The following IMMP1L variants were observed in gnomAD, a reference collection of about 807,000 sequenced individuals.
IMMP1L encodes mitochondrial inner membrane protease subunit 1.
Under a neutral mutation model 21.8 loss-of-function variants are expected in IMMP1L, and 24 were observed. The ratio of observed to expected loss-of-function variants is 1.10; its 90% CI spans 0.80 to 1.55. IMMP1L has a LOEUF of 1.55. Ranked by LOEUF, IMMP1L falls within the 40% of genes most tolerant of loss-of-function variation. The pLI is 0.00. For missense variants in IMMP1L, 195 were observed against 200.7 expected, an observed-to-expected ratio of 0.97 and a Z score of 0.17; for synonymous variants, 46 against 62.8, an observed-to-expected ratio of 0.73 and a Z score of 1.26.
chr11:31,485,884 A>G (rs1339310993), intron 1 of IMMP1L, among the ~76,000 whole-genome samples: 1 of 151,868 alleles, frequency 6.6e-6, no homozygotes, highest in Non-Finnish European at 1.5e-5. Flanking sequence ...GCCATTATAA[A>G]AAAACTTAAA....
chr11:31,461,264 A>G (rs188475973), intron 2 of IMMP1L, among the ~76,000 whole-genome samples: 174 of 152,264 alleles, frequency 1.1e-3, no homozygotes, highest in African/African-American at 3.9e-3. Context: ...TAAATGTTCT[A>G]CTGAAAAATA....
intron 1 of IMMP1L, 81 bp from the exon 2 acceptor site, chr11:31,463,386 A>G: frequency 7.8e-7 from 1 of 1,281,474 alleles, no homozygotes; most frequent in Non-Finnish European, 1.0e-6. Flanking sequence ...ATATTTTACA[A>G]TCACCCAAAA....
At position 31,433,583 on chromosome 11, in the gene IMMP1L, A is replaced by T; in HGVS notation, c.322-13T>A. The stretch of plus-strand genomic sequence containing the variant: ...GACCCATTGGCACCTAGAATTAGAG[A>T]AGAAATGCAGCCTCTTAAAGATAAA... On this transcript the variant is annotated splice_polypyrimidine_tract_variant and intron_variant, in intron 4 of 5. Transcript: ENST00000532287. 2 of 1,514,468 alleles carry T rather than the reference A, an allele frequency of 1.3e-6. No individual in the cohort carries two copies. The highest frequency in any genetic ancestry group is 1.8e-6 in the Non-Finnish European group (2 of 1,095,388). The allele number at this position is 1,514,468 out of a possible 1,614,324, so 93.8% of individuals were successfully genotyped here.
chr11:31,480,246 T>C (rs982308458), intron 1 of IMMP1L, among the ~76,000 whole-genome samples: 2 of 152,020 alleles, frequency 1.3e-5, no homozygotes, highest in African/African-American at 2.4e-5. Flanking sequence ...CTACAGAGAT[T>C]TGAGACATTT....
chr11:31,436,787 C>G (rs1049115499), intron 4 of IMMP1L, among the ~76,000 whole-genome samples: 2 of 152,110 alleles, frequency 1.3e-5, no homozygotes, highest in Non-Finnish European at 2.9e-5. Flanking sequence ...AAAAAAACAT[C>G]TAGAACATAT....
At chr11:31,472,807 C>T (rs1954606052) in intron 1 of IMMP1L, among the ~76,000 whole-genome samples, 1 of 152,156 alleles carries the variant, frequency 6.6e-6, no homozygotes, top group African/African-American at 2.4e-5. Context: ...CATATATTAA[C>T]TCATTTAATC....
At chr11:31,451,234 A>G (rs912220572) in intron 4 of IMMP1L, among the ~76,000 whole-genome samples, 1 of 152,160 alleles carries the variant, frequency 6.6e-6, no homozygotes, top group Admixed American at 6.5e-5. Context: ...TAAGCAGAAG[A>G]GTGACATAAT....
intron 4 of IMMP1L, among the ~76,000 whole-genome samples, chr11:31,441,496 A>G (rs1028226272): frequency 2.0e-5 from 3 of 152,140 alleles, no homozygotes; most frequent in Non-Finnish European, 2.9e-5. Flanking sequence ...CCAAGAACAC[A>G]TTTAAACAAA....
intron 4 of IMMP1L, among the ~76,000 whole-genome samples, chr11:31,446,832 T>C (rs1953539593): frequency 6.6e-6 from 1 of 152,260 alleles, no homozygotes; most frequent in African/African-American, 2.4e-5. Context: ...TATTATACTA[T>C]ACTGTAATTT....
intron 4 of IMMP1L, among the ~76,000 whole-genome samples, chr11:31,446,547 C>T (rs1031198801): frequency 1.3e-5 from 2 of 152,156 alleles, no homozygotes; most frequent in Non-Finnish European, 2.9e-5. Context: ...AACAGACTAC[C>T]ATGCTTGGCT....
chr11:31,509,573 T>C lies in IMMP1L; in HGVS notation c.-84A>G. 1.7e-6 allele frequency: 1 copy of C among 596,674 alleles called. No homozygotes were observed. Among genetic ancestry groups the C allele is most frequent in the Non-Finnish European group, 3.0e-6 (1 of 337,032 alleles). 37.0% of individuals were successfully genotyped at this position (596,674 alleles called of 1,614,324 possible). A position where few individuals can be genotyped will look rare whatever the true frequency, so the allele number is the denominator to read the frequency against. ...CAACCAGGACACAGGTGGGCCTTTCTCACCTGGGCCCCGCCGAAGTCGACC... is the reference window on the plus strand; with the variant it reads ...CAACCAGGACACAGGTGGGCCTTTCCCACCTGGGCCCCGCCGAAGTCGACC... On this transcript the variant is annotated 5_prime_UTR_variant, in exon 1 of 6. Coordinates refer to ENST00000532287, the MANE Select transcript of IMMP1L (RefSeq NM_001304274.2).
intron 4 of IMMP1L, among the ~76,000 whole-genome samples, chr11:31,454,787 A>G (rs1161276999): frequency 2.0e-5 from 3 of 152,218 alleles, no homozygotes; most frequent in Non-Finnish European, 4.4e-5. Context: ...ACTCTTAAAA[A>G]GAAATCAACA....
intron 4 of IMMP1L, among the ~76,000 whole-genome samples, chr11:31,454,172 A>G (rs1953855732): frequency 6.6e-6 from 1 of 152,224 alleles, no homozygotes; most frequent in Non-Finnish European, 1.5e-5. Flanking sequence ...TTTGTCCAAC[A>G]AAAGTGAATG....
Position 31,469,351 on chromosome 11 carries a change from A to T in IMMP1L, c.-29-6046T>A, listed in dbSNP as rs570931072. ...GAACACTTTAAAATAACTATGATTA[A>T]CATTAAAAAAAACAGAAGGAAAGAC... On this transcript the variant is annotated intron_variant, in intron 1 of 5. Coordinates refer to ENST00000532287, the MANE Select transcript of IMMP1L (RefSeq NM_001304274.2). 5.3e-5 allele frequency among the ~76,000 whole-genome samples: 8 copies of T among 152,328 alleles called. No individual in the cohort carries two copies. In the South Asian group the frequency reaches 1.7e-3, roughly 32 times the overall value.
rs1953940043 is a variant in IMMP1L at position 31,456,428 on chromosome 11, A to G, written c.195-42T>C. ...AAAGAAATGTCTGTATTATTTATTA[A>G]GCAAAAACACATGCATGGCACTGCT... On this transcript the variant is annotated intron_variant, in intron 3 of 5. Coordinates refer to ENST00000532287, the MANE Select transcript of IMMP1L (RefSeq NM_001304274.2). 3 of 1,551,524 alleles carry G rather than the reference A, an allele frequency of 1.9e-6. No homozygotes were observed. In the Admixed American group the frequency reaches 5.1e-5, roughly 26 times the overall value.
intron 1 of IMMP1L, among the ~76,000 whole-genome samples, chr11:31,504,467 C>T (rs1039004772): frequency 6.6e-6 from 1 of 152,156 alleles, no homozygotes; most frequent in Non-Finnish European, 1.5e-5. Context: ...TCAACTTCGT[C>T]AGTTCAAATC....
intron 4 of IMMP1L, among the ~76,000 whole-genome samples, chr11:31,449,948 G>A (rs1953683428): frequency 6.6e-6 from 1 of 152,090 alleles, no homozygotes; most frequent in South Asian, 2.1e-4. Context: ...AGAATACACT[G>A]AAATTTTCAT....
chr11:31,493,567 CA>C, intron 1 of IMMP1L, among the ~76,000 whole-genome samples: 1 of 152,282 alleles, frequency 6.6e-6, no homozygotes, highest in South Asian at 2.1e-4. Flanking sequence ...CCTCACATTT[CA>C]AAACACAATC....
chr11:31,495,324 C>T (rs1292950212), intron 1 of IMMP1L, among the ~76,000 whole-genome samples: 1 of 152,172 alleles, frequency 6.6e-6, no homozygotes, highest in Non-Finnish European at 1.5e-5. Context: ...CTGAGCCCTC[C>T]AAACTGTTCC....
Sources: gnomAD v4.1 joint callset for allele counts (sites outside exome capture counted in the v4.1 genomes callset) on GRCh38, gnomAD v4.1.1 for gene constraint, MANE v1.5 for transcripts, NCBI Gene and HGNC (gene_info 2026-07-23, HGNC 2026-07-21) for gene names.